NEDD1: variants seen among roughly 807,000 people sequenced by gnomAD.
NEDD1 encodes NEDD1 gamma-tubulin ring complex targeting factor, also known as protein NEDD1.
In NEDD1, 33 loss-of-function variants were observed where a neutral mutation model predicts 74.0. That is an observed-to-expected ratio of 0.45 (90% confidence interval 0.34 to 0.60). NEDD1 has a LOEUF of 0.60. NEDD1 is among the 20% of genes least tolerant of loss of function. The pLI is 0.01. For synonymous variants in NEDD1, 250 were observed against 264.4 expected, an observed-to-expected ratio of 0.95 and a Z score of 0.53; for missense variants, 746 against 776.5, an observed-to-expected ratio of 0.96 and a Z score of 0.47.
intron 8 of NEDD1, 54 bp from the exon 9 acceptor site, chr12:96,937,144 G>A: frequency 3.1e-6 from 3 of 972,064 alleles, no homozygotes; most frequent in Admixed American, 2.8e-5. Context: ...AAATATTAAT[G>A]TATAGTATGA....
intron 11 of NEDD1, among the ~76,000 whole-genome samples, chr12:96,942,950 C>T (rs1220095558): frequency 1.3e-5 from 2 of 152,034 alleles, no homozygotes; most frequent in African/African-American, 4.8e-5. Context: ...GGGCAGCCAA[C>T]AACATGGCAG....
At chr12:96,915,429 A>T (rs888254843) in intron 4 of NEDD1, among the ~76,000 whole-genome samples, 1 of 152,222 alleles carries the variant, frequency 6.6e-6, no homozygotes, top group Non-Finnish European at 1.5e-5. Flanking sequence ...TGAGCAGAGG[A>T]TATTTCTGAG....
In NEDD1 at chr12:96,945,786, C is replaced by T. The variant is rs755090158; in HGVS notation, c.1748C>T (p.Pro583Leu). The stretch of plus-strand genomic sequence containing the variant: ...ATTGGAAATAACCGGCAAAATGCAC[C>T]ATTGACTTCCATTCAAATTCGTTTT... ...DSIGNNRQNA[P>L]LTSIQIRFIQ... The change falls in exon 14 of 16, where the codon CCA becomes CTA. Residue 583 changes from proline to leucine, a missense_variant. By Grantham distance (98) the Pro-to-Leu change is moderately conservative. This residue lies in a region of NEDD1 where 706 missense variants were observed against 706.7 expected (regional missense o/e 1.00). Coordinates refer to ENST00000266742, the MANE Select transcript of NEDD1 (RefSeq NM_152905.4). 1 of 1,611,400 alleles carries T rather than the reference C, an allele frequency of 6.2e-7. No homozygotes were observed. The highest frequency in any genetic ancestry group is 8.5e-7 in the Non-Finnish European group (1 of 1,177,620).
intron 10 of NEDD1, among the ~76,000 whole-genome samples, chr12:96,942,188 T>G (rs1877727255): frequency 6.6e-6 from 1 of 152,136 alleles, no homozygotes; most frequent in South Asian, 2.1e-4. Context: ...TATCTGGACA[T>G]TATCCCCATT....
chr12:96,939,058 A>G (rs1027032714), intron 9 of NEDD1, among the ~76,000 whole-genome samples: 1 of 152,066 alleles, frequency 6.6e-6, no homozygotes, highest in Non-Finnish European at 1.5e-5. Flanking sequence ...CACTCAGTAC[A>G]CTATGGTGTT....
At chr12:96,913,874 A>T (rs1049621155) in intron 4 of NEDD1, among the ~76,000 whole-genome samples, 2 of 152,180 alleles carry the variant, frequency 1.3e-5, no homozygotes, top group African/African-American at 2.4e-5. Flanking sequence ...ATAATTTTAC[A>T]CACTGGGATA....
At position 96,943,732 on chromosome 12, in the gene NEDD1, A is replaced by T; in HGVS notation, c.1467A>T (p.Gly489=). The part of the protein sequence containing the change: ...LTAESKKIYM[G]KQESKDSFKQ... ...CTGAGTCTAAGAAAATATATATGGG[A>T]AAACAGGAATCTAAAGACTCCTTCA... The change falls in exon 12 of 16, where the codon GGA becomes GGT. Residue 489 remains glycine, a synonymous_variant. Coordinates refer to ENST00000266742, the MANE Select transcript of NEDD1 (RefSeq NM_152905.4). The T allele has an allele frequency of 6.2e-7, 1 of 1,611,430 alleles. No homozygotes were observed. The highest frequency in any genetic ancestry group is 8.5e-7 in the Non-Finnish European group (1 of 1,178,016).
At chr12:96,926,308 A>T (rs1245851939) in intron 6 of NEDD1, among the ~76,000 whole-genome samples, 1 of 152,152 alleles carries the variant, frequency 6.6e-6, no homozygotes, top group South Asian at 2.1e-4. Context: ...AAATTTGACT[A>T]GAGTCTGTTG....
chr12:96,910,230 AAAT>A (rs55765326), intron 3 of NEDD1, among the ~76,000 whole-genome samples: 72,495 of 151,784 alleles, frequency 0.48, 17,571 homozygotes, highest in African/African-American at 0.54. Flanking sequence ...GTAGTTGTGG[AAAT>A]AATTCCAAAA....
intron 13 of NEDD1, 96 bp from the exon 14 acceptor site, chr12:96,945,597 G>T: frequency 1.4e-6 from 1 of 712,934 alleles, no homozygotes; most frequent in South Asian, 1.9e-5. Context: ...TTCTTTGCCA[G>T]TTTTTCAAGT....
intron 2 of NEDD1, among the ~76,000 whole-genome samples, chr12:96,909,282 G>A (rs1328296899): frequency 6.6e-6 from 1 of 152,164 alleles, no homozygotes; most frequent in Non-Finnish European, 1.5e-5. Context: ...GGTAAGGAAG[G>A]GACTGCGTTA....
At chr12:96,935,975 G>C (rs539904573) in intron 7 of NEDD1, among the ~76,000 whole-genome samples, 1 of 152,150 alleles carries the variant, frequency 6.6e-6, no homozygotes, top group Admixed American at 6.5e-5. Flanking sequence ...TTACTGTTAG[G>C]ACTTATTTGC....
chr12:96,926,535 A>G (rs1472438947), intron 6 of NEDD1, among the ~76,000 whole-genome samples: 1 of 151,620 alleles, frequency 6.6e-6, no homozygotes, highest in Non-Finnish European at 1.5e-5. Flanking sequence ...GGGCAGCATA[A>G]TTTAAACCTT....
chr12:96,938,078 A>G (rs186469461), intron 9 of NEDD1, among the ~76,000 whole-genome samples: 9 of 152,140 alleles, frequency 5.9e-5, no homozygotes, highest in African/African-American at 1.9e-4. Flanking sequence ...ACATATATCC[A>G]TGTCTTTTAA....
intron 12 of NEDD1, among the ~76,000 whole-genome samples, chr12:96,944,206 G>C (rs1877961035): frequency 6.6e-6 from 1 of 151,958 alleles, no homozygotes; most frequent in Admixed American, 6.6e-5. Flanking sequence ...TACCAGGAAG[G>C]CCAAGCCAGT....
rs1878778318 is a variant in NEDD1, at chr12:96,952,216, AT to A, written c.*164del. 4.0e-6 allele frequency: 2 copies of A among 504,532 alleles called. No homozygotes were observed. Among genetic ancestry groups the A allele is most frequent in the African/African-American group, 2.0e-5 (1 of 50,186 alleles). The allele number at this position is 504,532 out of a possible 1,614,324, so 31.3% of individuals were successfully genotyped here. ...TACCAACAACTGTTTCATCTTAAAA[AT>A]ATGTATATTTTTATATTAAAAATTG... On this transcript the variant is annotated 3_prime_UTR_variant, in exon 16 of 16. Transcript: ENST00000266742.
intron 6 of NEDD1, among the ~76,000 whole-genome samples, chr12:96,929,356 TTTTTTTTTTCCTTAATGTCTTGTA>T (rs534019437): frequency 0.1 from 4,932 of 48,140 alleles, 193 homozygotes; most frequent in African/African-American, 0.28. Context: ...ATGTCTTGTA[TTTTTTTTTTCCTTAATGTCTTGTA>T]TTTTTTTTTT....
intron 2 of NEDD1, among the ~76,000 whole-genome samples, chr12:96,909,530 G>C (rs1873678797): frequency 6.6e-6 from 1 of 152,124 alleles, no homozygotes; most frequent in Admixed American, 6.5e-5. Flanking sequence ...AAGGAGGCTG[G>C]ATTTCATTAT....
rs144004755 is a variant in NEDD1 at position 96,933,829 on chromosome 12, C to T, written c.490-1147C>T. Among the ~76,000 whole-genome samples the T allele has an allele frequency of 1.3e-3, 196 of 152,144 alleles. 1 individual carries two copies. The East Asian group carries it at 0.021, about 16-fold the overall frequency. On this transcript the variant is annotated intron_variant, in intron 6 of 15. Coordinates refer to ENST00000266742, the MANE Select transcript of NEDD1 (RefSeq NM_152905.4). ...ACTTAATTTTCCGCCTAGTAAATGA[C>T]AACATCAATACAAGTTTGACAGTAA...
Sources: allele counts gnomAD v4.1 joint callset (sites outside exome capture counted in the v4.1 genomes callset), GRCh38; gene constraint gnomAD v4.1.1; regional missense constraint gnomAD v4.1.1; transcripts MANE v1.5; gene names NCBI Gene and HGNC (gene_info 2026-07-23, HGNC 2026-07-21).